The following ZNF44 variants were observed in gnomAD, a reference collection of about 807,000 sequenced individuals.
ZNF44 encodes zinc finger protein 44, also known as gonadotropin inducible transcription repressor-2.
A neutral mutation model predicts 11.7 loss-of-function variants in ZNF44; 9 were observed. That is an observed-to-expected ratio of 0.77 (90% CI 0.46 to 1.35). ZNF44 has a LOEUF of 1.35. Among genes scored for constraint, ZNF44 ranks in the 40% most tolerant of loss-of-function variants. The pLI, the probability that ZNF44 is intolerant of heterozygous loss-of-function variation, is 0.00. For synonymous variants in ZNF44, 224 were observed against 242.7 expected, an observed-to-expected ratio of 0.92 and a Z score of 0.72; for missense variants, 696 against 743.1, an observed-to-expected ratio of 0.94 and a Z score of 0.74.
downstream of ZNF44, among the ~76,000 whole-genome samples, chr19:12,270,738 C>T (rs905131891): frequency 6.6e-6 from 1 of 152,150 alleles, no homozygotes; most frequent in Admixed American, 6.5e-5. Context: ...CAGGTGTGAA[C>T]AAGTGTGCCC....
intron 1 of ZNF44, among the ~76,000 whole-genome samples, chr19:12,277,619 A>G (rs1328369968): frequency 6.6e-6 from 1 of 152,234 alleles, no homozygotes; most frequent in Non-Finnish European, 1.5e-5. Context: ...AGAGAGAAAA[A>G]GATACATAAA....
intron 1 of ZNF44, among the ~76,000 whole-genome samples, chr19:12,289,755 C>T (rs1967925724): frequency 1.3e-5 from 2 of 151,070 alleles, no homozygotes; most frequent in African/African-American, 4.9e-5. Flanking sequence ...CACCATTCTC[C>T]TGCCTCAGCC....
rs1968179798 is a variant in ZNF44 at position 12,294,809 on chromosome 19, CA to C, written c.-116del. On this transcript the variant is annotated 5_prime_UTR_variant, in exon 1 of 4. Coordinates refer to ENST00000355684, the MANE Select transcript of ZNF44 (RefSeq NM_016264.4). ...CGTCTCTCAGTGACAGAATACGGAA[CA>C]GAGGTCACCAGGGTGAAGAGGCCAC... 4 of 1,261,020 alleles carry C rather than the reference CA, an allele frequency of 3.2e-6. No individual in the cohort carries two copies. Among genetic ancestry groups the C allele is most frequent in the Admixed American group, 2.9e-5 (1 of 34,690 alleles). The allele number at this position is 1,261,020 out of a possible 1,614,324, so 78.1% of individuals were successfully genotyped here.
At chr19:12,294,550 C>A (rs1019471332) in intron 1 of ZNF44, 142 bp downstream of exon 1, 9 of 1,203,994 alleles carry the variant, frequency 7.5e-6, no homozygotes, top group South Asian at 1.5e-5. Flanking sequence ...CCAAACGGAC[C>A]GAGGACCGAG....
upstream of ZNF44, among the ~76,000 whole-genome samples, chr19:12,238,624 C>CAAA (rs760047200): frequency 3.5e-4 from 22 of 62,638 alleles, no homozygotes; most frequent in African/African-American, 7.4e-4. Context: ...GAGACTGTCT[C>CAAA]AAAAAAAAAA....
chr19:12,267,772 C>A (rs1345621485), downstream of ZNF44, among the ~76,000 whole-genome samples: 2 of 151,730 alleles, frequency 1.3e-5, no homozygotes, highest in Admixed American at 1.3e-4. Context: ...CTTTATAAAC[C>A]CTTCTTCTAG....
exon 8 of ZNF44, chr19:12,248,505 A>C: frequency 4.6e-6 from 6 of 1,290,890 alleles, no homozygotes; most frequent in Non-Finnish European, 6.1e-6. Context: ...GTAAGATCTA[A>C]TGTGCCTGTT....
At chr19:12,227,430 C>T (rs62111271) in intron 3 of ZNF44, among the ~76,000 whole-genome samples, 8,113 of 152,178 alleles carry the variant, frequency 0.053, 313 homozygotes, top group Non-Finnish European at 0.085. Flanking sequence ...GGTGAAACTT[C>T]GTCTCTACTA....
At chr19:12,276,174 G>C in intron 1 of ZNF44, 92 bp from the exon 2 acceptor site, 1 of 1,529,240 alleles carries the variant, frequency 6.5e-7, no homozygotes, top group Non-Finnish European at 8.9e-7. Flanking sequence ...TGATGCTGTG[G>C]TTTCCAAGCA....
At chr19:12,257,903 G>A (rs1917329236) in intron 5 of ZNF44, among the ~76,000 whole-genome samples, 1 of 151,782 alleles carries the variant, frequency 6.6e-6, no homozygotes, top group Non-Finnish European at 1.5e-5. Flanking sequence ...CCCGGCTGGT[G>A]GAGATTACAG....
intron 3 of ZNF44, among the ~76,000 whole-genome samples, 194 bp downstream of exon 3, chr19:12,274,779 A>C (rs12609128): frequency 0.17 from 26,012 of 152,118 alleles, 2,299 homozygotes; most frequent in East Asian, 0.25. Context: ...ACTACTTTGC[A>C]AACACTGAAT....
chr19:12,287,357 G>A (rs1269211502), intron 1 of ZNF44, among the ~76,000 whole-genome samples: 1 of 151,982 alleles, frequency 6.6e-6, no homozygotes, highest in Non-Finnish European at 1.5e-5. Flanking sequence ...TGGGACTACA[G>A]GCATGTGCCA....
In ZNF44 at chr19:12,282,078, T is replaced by C. The variant is rs116900534; in HGVS notation, c.4-5996A>G. 2.0e-3 allele frequency among the ~76,000 whole-genome samples: 303 copies of C among 152,276 alleles called. 10 individuals are homozygous for C. In the East Asian group the frequency reaches 0.044, roughly 22 times the overall value. On this transcript the variant is annotated intron_variant, in intron 1 of 3. Transcript: ENST00000355684. ...CAAAACTAGACAGACATTACAGACATATCTCCACCATGTGAGGACATAAGG... is the reference window on the plus strand; with the variant it reads ...CAAAACTAGACAGACATTACAGACACATCTCCACCATGTGAGGACATAAGG...
chr19:12,267,810 T>C (rs1022349044), downstream of ZNF44, among the ~76,000 whole-genome samples: 2 of 151,270 alleles, frequency 1.3e-5, no homozygotes, highest in African/African-American at 4.9e-5. Flanking sequence ...ACTTAGTCTC[T>C]AAGTCTCACC....
At chr19:12,247,240 A>G (rs1461020288), downstream of ZNF44, 1 of 1,151,000 alleles carries the variant, frequency 8.7e-7, no homozygotes, top group African/African-American at 1.6e-5. Context: ...GAAAATCGTT[A>G]AAATTGAAAA....
At chr19:12,238,651 C>T (rs1234383516), upstream of ZNF44, among the ~76,000 whole-genome samples, 1 of 143,072 alleles carries the variant, frequency 7.0e-6, no homozygotes, top group African/African-American at 2.7e-5. Flanking sequence ...AAAAAAATAG[C>T]TGGGCATGGT....
chr19:12,291,141 G>A (rs1174385317), intron 1 of ZNF44: 3 of 391,864 alleles, frequency 7.7e-6, no homozygotes, highest in Non-Finnish European at 1.5e-5. Flanking sequence ...GTAAACAAAG[G>A]ATATTTAAGT....
At chr19:12,251,638 C>A (rs549337453) in intron 5 of ZNF44, among the ~76,000 whole-genome samples, 1 of 152,250 alleles carries the variant, frequency 6.6e-6, no homozygotes, top group East Asian at 1.9e-4. Context: ...AGGGATACTT[C>A]CTACCAATTT....
intron 1 of ZNF44, among the ~76,000 whole-genome samples, chr19:12,292,851 T>C (rs1003372155): frequency 1.6e-5 from 2 of 128,660 alleles, no homozygotes; most frequent in Non-Finnish European, 3.2e-5. Flanking sequence ...GTCCCAGAGG[T>C]TAGGTTTTTT....
Sources: gnomAD v4.1 joint callset for allele counts (sites outside exome capture counted in the v4.1 genomes callset) on GRCh38, gnomAD v4.1.1 for gene constraint, MANE v1.5 for transcripts, NCBI Gene and HGNC (gene_info 2026-07-23, HGNC 2026-07-21) for gene names.